Variants in ATP2B2 observed in about 807,000 individuals in gnomAD.
The protein encoded by ATP2B2 is ATPase plasma membrane Ca2+ transporting 2, also known as plasma membrane calcium-transporting ATPase 2.
Under a neutral mutation model 120.0 loss-of-function variants are expected in ATP2B2, and 15 were observed. The observed-to-expected ratio is 0.12, with a 90% CI of 0.08 to 0.19. ATP2B2 has a LOEUF of 0.19. ATP2B2 is among the 10% of genes least tolerant of loss of function. ATP2B2 has a pLI of 1.00. For synonymous variants in ATP2B2, 694 were observed against 700.3 expected, an observed-to-expected ratio of 0.99 and a Z score of 0.14; for missense variants, 1,045 against 1,719.8, an observed-to-expected ratio of 0.61 and a Z score of 6.94.
chr3:10,551,540 T>C (rs6795673), intron 2 of ATP2B2, among the ~76,000 whole-genome samples: 63,643 of 152,146 alleles, frequency 0.42, 13,592 homozygotes, highest in South Asian at 0.51. Flanking sequence ...ATGCAAAGTT[T>C]TGTATAAAGA....
chr3:10,584,164 T>G (rs1575524398), intron 2 of ATP2B2, among the ~76,000 whole-genome samples: 1 of 149,880 alleles, frequency 6.7e-6, no homozygotes, highest in African/African-American at 2.5e-5. Flanking sequence ...GGAGATGGGG[T>G]GGGAGGGGGC....
chr3:10,538,728 A>G (rs1575474190), intron 2 of ATP2B2, among the ~76,000 whole-genome samples: 2 of 152,316 alleles, frequency 1.3e-5, no homozygotes, highest in Non-Finnish European at 2.9e-5. Flanking sequence ...ACGTATCTCA[A>G]CATAATAAGA....
chr3:10,350,198 A>T lies in ATP2B2; in HGVS notation c.2318T>A (p.Ile773Asn). 7.3e-7 allele frequency: 1 copy of T among 1,372,104 alleles called. No individual in the cohort carries two copies. 85.0% of individuals were successfully genotyped at this position (1,372,104 alleles called of 1,614,324 possible). The change falls in exon 16 of 23, where the codon ATT becomes AAT. Residue 773 changes from isoleucine (I) to asparagine (N), a missense_variant and splice_region_variant. By Grantham distance (149) the Ile-to-Asn change is moderately radical (BLOSUM62 -3). Coordinates refer to ENST00000360273, the MANE Select transcript of ATP2B2 (RefSeq NM_001001331.4). ...GATCTTGTCAATTCGCTCCTGCTCAATCTGGAGAGGGATGGGGAAGGGGGC... is the reference window on the plus strand; with the variant it reads ...GATCTTGTCAATTCGCTCCTGCTCATTCTGGAGAGGGATGGGGAAGGGGGC... The part of the protein sequence containing the change: ...NRRIRNEKGE[I>N]EQERIDKIWP...
intron 2 of ATP2B2, among the ~76,000 whole-genome samples, chr3:10,544,492 G>A (rs2067503596): frequency 6.6e-6 from 1 of 152,168 alleles, no homozygotes; most frequent in Non-Finnish European, 1.5e-5. Context: ...AAAGAGAACT[G>A]GAAATGGACT....
At chr3:10,477,229 T>TC (rs1158694033) in intron 1 of ATP2B2, among the ~76,000 whole-genome samples, 1 of 152,106 alleles carries the variant, frequency 6.6e-6, no homozygotes, top group Non-Finnish European at 1.5e-5. Flanking sequence ...ATTGGTGCTT[T>TC]TGTGTGTGTG....
At chr3:10,507,535 C>T (rs138934152), upstream of ATP2B2, among the ~76,000 whole-genome samples, 443 of 152,258 alleles carry the variant, frequency 2.9e-3, no homozygotes, top group African/African-American at 0.01. Context: ...CGGGCAGAGG[C>T]GGAAAGGCCC....
intron 3 of ATP2B2, among the ~76,000 whole-genome samples, chr3:10,523,377 C>T (rs189634327): frequency 9.2e-5 from 14 of 152,310 alleles, no homozygotes; most frequent in Non-Finnish European, 1.8e-4. Flanking sequence ...CTGAACATGT[C>T]CCCCAACTTT....
At chr3:10,621,403 C>T (rs779830845) in intron 1 of ATP2B2, among the ~76,000 whole-genome samples, 10 of 152,200 alleles carry the variant, frequency 6.6e-5, no homozygotes, top group Non-Finnish European at 1.0e-4. Flanking sequence ...GGGAAAAACA[C>T]GAGCCCGACA....
intron 1 of ATP2B2, among the ~76,000 whole-genome samples, chr3:10,671,224 C>T (rs917428663): frequency 6.6e-6 from 1 of 152,076 alleles, no homozygotes; most frequent in South Asian, 2.1e-4. Context: ...TGGAATGCAA[C>T]GGGAGGTGGT....
chr3:10,364,949 G>A (rs1305751987), intron 12 of ATP2B2, among the ~76,000 whole-genome samples: 3 of 152,184 alleles, frequency 2.0e-5, no homozygotes, highest in Non-Finnish European at 4.4e-5. Context: ...AGCCATGCCC[G>A]TTTCCCCAAA....
chr3:10,618,872 A>G (rs1479664928), intron 2 of ATP2B2, among the ~76,000 whole-genome samples: 1 of 152,168 alleles, frequency 6.6e-6, no homozygotes, highest in Non-Finnish European at 1.5e-5. Context: ...CCTATAGATG[A>G]TATTTTGATG....
intron 22 of ATP2B2, among the ~76,000 whole-genome samples, chr3:10,337,640 T>A (rs2060156592): frequency 6.6e-6 from 1 of 152,142 alleles, no homozygotes; most frequent in African/African-American, 2.4e-5. Flanking sequence ...TGTGTGCATG[T>A]GTGTCTGTGT....
At chr3:10,696,585 T>C (rs1352722798) in intron 1 of ATP2B2, among the ~76,000 whole-genome samples, 1 of 152,220 alleles carries the variant, frequency 6.6e-6, no homozygotes, top group Non-Finnish European at 1.5e-5. Context: ...CTGGTTGCTC[T>C]TCCTTCCATC....
chr3:10,656,226 C>G (rs2070623819), intron 1 of ATP2B2, among the ~76,000 whole-genome samples: 1 of 152,124 alleles, frequency 6.6e-6, no homozygotes, highest in African/African-American at 2.4e-5. Context: ...GTGAAGGACC[C>G]AAGGGTGTCA....
chr3:10,530,622 A>G (rs2067192443), intron 3 of ATP2B2, among the ~76,000 whole-genome samples: 1 of 152,104 alleles, frequency 6.6e-6, no homozygotes, highest in South Asian at 2.1e-4. Flanking sequence ...CGTTGAAGAG[A>G]GCAGGATTGC....
At chr3:10,656,594 T>C (rs566350973) in intron 1 of ATP2B2, among the ~76,000 whole-genome samples, 15 of 152,310 alleles carry the variant, frequency 9.8e-5, no homozygotes, top group African/African-American at 3.4e-4. Context: ...AGCACCTACT[T>C]TGTGTCAGGC....
chr3:10,580,242 C>T (rs1196008262), intron 2 of ATP2B2, among the ~76,000 whole-genome samples: 2 of 152,130 alleles, frequency 1.3e-5, no homozygotes, highest in East Asian at 1.9e-4. Flanking sequence ...ATAGGAAACG[C>T]GGAATACTCT....
chr3:10,583,614 A>C (rs1206517866), intron 2 of ATP2B2, among the ~76,000 whole-genome samples: 1 of 152,176 alleles, frequency 6.6e-6, no homozygotes, highest in Admixed American at 6.5e-5. Flanking sequence ...TGTTTTAAAT[A>C]TACTTCATGA....
chr3:10,426,371 A>C (rs1356513771), intron 2 of ATP2B2, among the ~76,000 whole-genome samples: 7 of 152,198 alleles, frequency 4.6e-5, no homozygotes, highest in African/African-American at 1.7e-4. Context: ...GGAAGAAGGA[A>C]GGTGAGGAGT....
Sources: gnomAD v4.1 joint callset for allele counts (sites outside exome capture counted in the v4.1 genomes callset) on GRCh38, gnomAD v4.1.1 for gene constraint, MANE v1.5 for transcripts, NCBI Gene and HGNC (gene_info 2026-07-23, HGNC 2026-07-21) for gene names.